LPCAT2: variants seen among roughly 807,000 people sequenced by gnomAD.
LPCAT2 encodes lysophosphatidylcholine acyltransferase 2.
In LPCAT2, 58 loss-of-function variants were observed where a neutral mutation model predicts 64.7. The observed-to-expected ratio is 0.90, with a 90% CI of 0.73 to 1.12. The LOEUF is 1.12. Among genes scored for constraint, LPCAT2 ranks in the 50% most tolerant of loss-of-function variants. The probability of loss-of-function intolerance (pLI) is 0.00; values close to 1 mark genes in which losing one functional copy is unlikely to be tolerated. For missense variants in LPCAT2, 579 were observed against 669.8 expected, an observed-to-expected ratio of 0.86 and a Z score of 1.50; for synonymous variants, 252 against 245.3, an observed-to-expected ratio of 1.03 and a Z score of -0.26.
Position 55,509,332 on chromosome 16 carries a change from G to C in LPCAT2, c.151G>C (p.Gly51Arg). 1 of 1,451,232 alleles carries C rather than the reference G, an allele frequency of 6.9e-7. No individual in the cohort carries two copies. Among genetic ancestry groups the C allele is most frequent in the South Asian group, 1.4e-5 (1 of 69,264 alleles). 89.9% of individuals were successfully genotyped at this position (1,451,232 alleles called of 1,614,324 possible). A position where few individuals can be genotyped will look rare whatever the true frequency, so the allele number is the denominator to read the frequency against. ...PNPFVQQTQI[G>R]SARRVQIVLL... The stretch of plus-strand genomic sequence containing the variant: ...CCCCTTCGTGCAGCAGACGCAGATC[G>C]GCTCCGCGAGGCGGGTCCAGGTGAG... Residue 51 changes from glycine (G) to arginine (R), a missense_variant, in exon 1 of 14, where the codon GGC becomes CGC. Coordinates refer to ENST00000262134, the MANE Select transcript of LPCAT2 (RefSeq NM_017839.5).
intron 1 of LPCAT2, 55 bp from the exon 2 acceptor site, chr16:55,525,453 A>T: frequency 6.7e-7 from 1 of 1,503,514 alleles, no homozygotes; most frequent in Non-Finnish European, 9.1e-7. Context: ...TCTGTTTGAT[A>T]GCCATGAATT....
intron 11 of LPCAT2, 104 bp from the exon 12 acceptor site, chr16:55,574,527 T>A: frequency 1.3e-6 from 1 of 762,626 alleles, no homozygotes; most frequent in Non-Finnish European, 2.3e-6. Flanking sequence ...AAATAGTGAA[T>A]GATGAGGTTG....
intron 2 of LPCAT2, 33 bp downstream of exon 2, chr16:55,525,680 A>G: frequency 5.3e-6 from 8 of 1,514,770 alleles, no homozygotes; most frequent in Non-Finnish European, 7.2e-6. Context: ...ATATTAGGAC[A>G]TAATATTAAA....
At chr16:55,560,076 AG>A (rs1963619232) in intron 11 of LPCAT2, among the ~76,000 whole-genome samples, 1 of 152,184 alleles carries the variant, frequency 6.6e-6, no homozygotes, top group Non-Finnish European at 1.5e-5. Context: ...TTTTTAAACT[AG>A]AGCAAGGGAG....
intron 12 of LPCAT2, 127 bp downstream of exon 12, chr16:55,574,856 A>G: frequency 3.0e-6 from 2 of 661,336 alleles, no homozygotes; most frequent in Admixed American, 5.1e-5. Flanking sequence ...TGTACAGGAC[A>G]ATAATGTGAT....
At chr16:55,541,816 T>A in intron 8 of LPCAT2, 1 of 1,271,306 alleles carries the variant, frequency 7.9e-7, no homozygotes, top group African/African-American at 1.5e-5. Flanking sequence ...AAGCACTAAC[T>A]TTTACTTTCT....
chr16:55,583,282 A>G lies in LPCAT2; in HGVS notation c.*184A>G. The G allele has an allele frequency of 1.8e-6, 1 of 557,260 alleles. No homozygotes were observed. Among genetic ancestry groups the G allele is most frequent in the Non-Finnish European group, 3.1e-6 (1 of 322,580 alleles). The allele number at this position is 557,260 out of a possible 1,614,324, so 34.5% of individuals were successfully genotyped here. A position where few individuals can be genotyped will look rare whatever the true frequency, so the allele number is the denominator to read the frequency against. On this transcript the variant is annotated 3_prime_UTR_variant, in exon 14 of 14. Coordinates refer to ENST00000262134, the MANE Select transcript of LPCAT2 (RefSeq NM_017839.5). ...TTGCTTTTATTGGAAAAAATCAAGCAATATTTCGTTTTCTTTTGTGTTATA... is the reference window on the plus strand; with the variant it reads ...TTGCTTTTATTGGAAAAAATCAAGCGATATTTCGTTTTCTTTTGTGTTATA...
At chr16:55,536,993 G>C (rs1286278310) in intron 7 of LPCAT2, among the ~76,000 whole-genome samples, 2 of 152,066 alleles carry the variant, frequency 1.3e-5, no homozygotes, top group Admixed American at 6.5e-5. Flanking sequence ...AAGGCCCATT[G>C]ATTTTTTTTA....
intron 11 of LPCAT2, among the ~76,000 whole-genome samples, chr16:55,558,569 C>T (rs1352185254): frequency 1.3e-5 from 2 of 152,204 alleles, no homozygotes; most frequent in African/African-American, 4.8e-5. Context: ...TCTTAATTTT[C>T]TATCTAACAC....
At chr16:55,564,548 A>G (rs1364462081) in intron 11 of LPCAT2, among the ~76,000 whole-genome samples, 1 of 151,988 alleles carries the variant, frequency 6.6e-6, no homozygotes, top group Non-Finnish European at 1.5e-5. Flanking sequence ...CCTTGTGTAT[A>G]TGGTCATATG....
At chr16:55,549,190 C>A in intron 9 of LPCAT2, 87 bp from the exon 10 acceptor site, 1 of 1,066,936 alleles carries the variant, frequency 9.4e-7, no homozygotes, top group Non-Finnish European at 1.3e-6. Context: ...CATTTGCTGT[C>A]GTTTGGAACC....
chr16:55,516,914 G>T, intron 1 of LPCAT2, among the ~76,000 whole-genome samples: 1 of 152,122 alleles, frequency 6.6e-6, no homozygotes, highest in Non-Finnish European at 1.5e-5. Flanking sequence ...ATATAAAGTG[G>T]TTAAAATAAT....
At chr16:55,542,646 C>T (rs1340935797) in intron 8 of LPCAT2, among the ~76,000 whole-genome samples, 1 of 151,852 alleles carries the variant, frequency 6.6e-6, no homozygotes, top group African/African-American at 2.4e-5. Flanking sequence ...CAGAAGTATC[C>T]GACTCCCAAG....
intron 9 of LPCAT2, among the ~76,000 whole-genome samples, chr16:55,547,830 C>T (rs1963471142): frequency 6.6e-6 from 1 of 151,856 alleles, no homozygotes; most frequent in South Asian, 2.1e-4. Flanking sequence ...TGCAATGGTG[C>T]AATCTCGGCT....
At chr16:55,563,175 TGAA>T (rs1164303740) in intron 11 of LPCAT2, among the ~76,000 whole-genome samples, 6 of 151,772 alleles carry the variant, frequency 4.0e-5, no homozygotes, top group Non-Finnish European at 8.9e-5. Flanking sequence ...GACTGAATCA[TGAA>T]GAAGTAAAAC....
chr16:55,584,813 T>G lies in LPCAT2; in HGVS notation c.*1715T>G, dbSNP rs1963926640. 1 of 152,214 alleles carries G rather than the reference T, an allele frequency of 6.6e-6. No homozygotes were observed. Among genetic ancestry groups the G allele is most frequent in the South Asian group, 2.1e-4 (1 of 4,832 alleles). The allele number at this position is 152,214 out of a possible 1,614,324, so 9.4% of individuals were successfully genotyped here. ...GATAAATATCTGAAAATTTTATCCT[T>G]AAGTATATATAATTATTTGCCTCTT... On this transcript the variant is annotated 3_prime_UTR_variant, in exon 14 of 14. Coordinates refer to ENST00000262134, the MANE Select transcript of LPCAT2 (RefSeq NM_017839.5).
rs796560482 is a variant in LPCAT2, at chr16:55,578,518, C to T, written c.1315-591C>T. ...TTGCTTTTCATGAATTCTATCCCTT[C>T]CTATCCTTCCTGCTTCTCAAACCCA... is the stretch of plus-strand genomic sequence containing the variant. On this transcript the variant is annotated intron_variant, in intron 12 of 13. Transcript: ENST00000262134. Among the ~76,000 whole-genome samples the T allele has an allele frequency of 6.1e-4, 93 of 152,264 alleles. 1 individual carries two copies. Among genetic ancestry groups the T allele is most frequent in the African/African-American group, 2.1e-3 (89 of 41,550 alleles).
intron 1 of LPCAT2, among the ~76,000 whole-genome samples, chr16:55,511,371 T>C (rs561081825): frequency 6.6e-6 from 1 of 152,164 alleles, no homozygotes; most frequent in Non-Finnish European, 1.5e-5. Flanking sequence ...TGAATAGGCA[T>C]GGTAGAAAAA....
At chr16:55,558,943 G>A (rs1371756747) in intron 11 of LPCAT2, among the ~76,000 whole-genome samples, 1 of 152,012 alleles carries the variant, frequency 6.6e-6, no homozygotes, top group African/African-American at 2.4e-5. Context: ...ATTAATTTGT[G>A]GGTATTCTAC....
Sources: gnomAD v4.1 joint callset for allele counts (sites outside exome capture counted in the v4.1 genomes callset) on GRCh38, gnomAD v4.1.1 for gene constraint, MANE v1.5 for transcripts, NCBI Gene and HGNC (gene_info 2026-07-23, HGNC 2026-07-21) for gene names.